Variants in NREP observed in about 807,000 individuals in gnomAD.
NREP encodes the protein neuronal regeneration-related protein.
NREP carries 5 observed loss-of-function variants against 8.6 expected under a neutral mutation model. That is an observed-to-expected ratio of 0.58 (90% CI 0.30 to 1.22). The LOEUF (loss-of-function observed/expected upper bound fraction) is 1.22. Ranked by LOEUF, NREP falls within the 50% of genes most tolerant of loss-of-function variation. The pLI is 0.07. For missense variants in NREP, 86 were observed against 82.5 expected (o/e 1.04, Z -0.17); for synonymous variants, 27 against 28.0 (o/e 0.96, Z 0.11).
intron 2 of NREP, among the ~76,000 whole-genome samples, chr5:111,844,350 A>G (rs1208579136): frequency 1.3e-5 from 2 of 151,912 alleles, no homozygotes; most frequent in Admixed American, 6.6e-5. Context: ...TTCTCATCTT[A>G]TGTTAAAGTG....
At chr5:111,767,240 T>A (rs115267587) in intron 2 of NREP, among the ~76,000 whole-genome samples, 115 of 152,280 alleles carry the variant, frequency 7.6e-4, no homozygotes, top group Non-Finnish European at 1.1e-3. Flanking sequence ...TGTTTTAAAG[T>A]CTGAGCACAC....
At chr5:111,921,807 T>C (rs1341128669) in intron 2 of NREP, among the ~76,000 whole-genome samples, 1 of 152,118 alleles carries the variant, frequency 6.6e-6, no homozygotes, top group Admixed American at 6.5e-5. Context: ...AGGTAGGTAA[T>C]TGAATAATGG....
intron 2 of NREP, among the ~76,000 whole-genome samples, chr5:111,869,488 T>C (rs1237011973): frequency 6.6e-6 from 1 of 152,220 alleles, no homozygotes; most frequent in Non-Finnish European, 1.5e-5. Context: ...AAGTTTTAAC[T>C]ACCCTGGTCT....
At chr5:111,953,607 A>G (rs747442054) in intron 2 of NREP, among the ~76,000 whole-genome samples, 1 of 152,150 alleles carries the variant, frequency 6.6e-6, no homozygotes, top group African/African-American at 2.4e-5. Context: ...TTTTAAAAAG[A>G]CATGGTCCCT....
intron 2 of NREP, among the ~76,000 whole-genome samples, chr5:111,948,538 T>G (rs1339650229): frequency 6.6e-6 from 1 of 152,106 alleles, no homozygotes; most frequent in East Asian, 1.9e-4. Flanking sequence ...AAATCATGTG[T>G]CTTATGTACC....
chr5:111,974,474 A>G (rs1756907451), intron 2 of NREP: 1 of 152,234 alleles, frequency 6.6e-6, no homozygotes, highest in Non-Finnish European at 1.5e-5. Flanking sequence ...GGAGCATGAC[A>G]TAATTTCAAG....
At chr5:111,751,676 G>A (rs1048874105) in intron 2 of NREP, among the ~76,000 whole-genome samples, 1 of 152,110 alleles carries the variant, frequency 6.6e-6, no homozygotes, top group African/African-American at 2.4e-5. Context: ...TTGCTGGTAC[G>A]ATTTCCTTAT....
At chr5:111,770,989 G>A (rs141283302) in intron 2 of NREP, among the ~76,000 whole-genome samples, 1 of 152,208 alleles carries the variant, frequency 6.6e-6, no homozygotes, top group Non-Finnish European at 1.5e-5. Context: ...TCTCTTCCAG[G>A]AAACAAACAA....
intron 2 of NREP, among the ~76,000 whole-genome samples, chr5:111,804,817 C>A (rs1006195104): frequency 2.0e-5 from 3 of 151,902 alleles, no homozygotes; most frequent in African/African-American, 7.3e-5. Context: ...CTGGCTAACA[C>A]GGAGAAACCC....
intron 2 of NREP, among the ~76,000 whole-genome samples, chr5:111,900,869 A>G (rs1163829829): frequency 1.3e-5 from 2 of 152,202 alleles, no homozygotes; most frequent in Non-Finnish European, 2.9e-5. Context: ...ACTATTCCAA[A>G]AACATTGAAA....
At chr5:111,863,826 A>T (rs1423401007) in intron 2 of NREP, among the ~76,000 whole-genome samples, 2 of 152,112 alleles carry the variant, frequency 1.3e-5, no homozygotes, top group Non-Finnish European at 2.9e-5. Context: ...CTAGAAACTC[A>T]ATGGGGAGCT....
chr5:111,822,150 T>TA (rs1400576407), intron 2 of NREP, among the ~76,000 whole-genome samples: 4 of 152,062 alleles, frequency 2.6e-5, no homozygotes, highest in African/African-American at 7.2e-5. Context: ...TGAAAACAAC[T>TA]AAAAAAAGTA....
intron 2 of NREP, among the ~76,000 whole-genome samples, chr5:111,818,769 G>T (rs1011854761): frequency 6.6e-6 from 1 of 152,176 alleles, no homozygotes; most frequent in Non-Finnish European, 1.5e-5. Context: ...AAAACAATCT[G>T]ATTGTAGTGG....
At chr5:111,969,140 G>A (rs1756729621) in intron 2 of NREP, among the ~76,000 whole-genome samples, 1 of 152,204 alleles carries the variant, frequency 6.6e-6, no homozygotes, top group Admixed American at 6.5e-5. Context: ...AAGATTGCCA[G>A]CCTAAAAATG....
intron 2 of NREP, among the ~76,000 whole-genome samples, chr5:111,802,275 A>C (rs1363784338): frequency 2.6e-5 from 4 of 151,838 alleles, no homozygotes; most frequent in African/African-American, 9.7e-5. Context: ...AATGAAGAAA[A>C]ATGTTAAGAA....
intron 2 of NREP, among the ~76,000 whole-genome samples, chr5:111,781,273 TG>T (rs1751487191): frequency 6.6e-6 from 1 of 152,152 alleles, no homozygotes; most frequent in Admixed American, 6.5e-5. Context: ...AAAGGTAACA[TG>T]GCTTCTGTCT....
At chr5:111,962,133 C>T (rs1367358114) in intron 2 of NREP, among the ~76,000 whole-genome samples, 2 of 152,162 alleles carry the variant, frequency 1.3e-5, no homozygotes, top group African/African-American at 4.8e-5. Context: ...TAGTTCAGTT[C>T]CAGTACCATG....
intron 2 of NREP, among the ~76,000 whole-genome samples, chr5:111,913,341 A>T (rs1417748797): frequency 2.6e-5 from 4 of 152,106 alleles, no homozygotes; most frequent in African/African-American, 9.7e-5. Context: ...TTTTCAGGAG[A>T]TAAGGAACTA....
intron 2 of NREP, among the ~76,000 whole-genome samples, chr5:111,820,029 C>T (rs1467983061): frequency 6.6e-6 from 1 of 152,086 alleles, no homozygotes; most frequent in African/African-American, 2.4e-5. Flanking sequence ...TTTGAGCTCT[C>T]CTCTCAACTA....
Sources: allele counts gnomAD v4.1 joint callset (sites outside exome capture counted in the v4.1 genomes callset), GRCh38; gene constraint gnomAD v4.1.1; transcripts MANE v1.5; gene names NCBI Gene and HGNC (gene_info 2026-07-23, HGNC 2026-07-21).